SCUBE2: variants seen among roughly 807,000 people sequenced by gnomAD.
SCUBE2 encodes signal peptide, CUB and EGF-like domain-containing protein 2.
A neutral mutation model predicts 125.9 loss-of-function variants in SCUBE2; 114 were observed. The observed-to-expected ratio is 0.91, with a 90% CI of 0.78 to 1.06. The LOEUF (loss-of-function observed/expected upper bound fraction) is 1.06. SCUBE2 is among the 50% of genes least tolerant of loss of function. The pLI is 0.00. For missense variants in SCUBE2, 1,255 were observed against 1,301.8 expected (o/e 0.96, Z 0.55); for synonymous variants, 459 against 492.9 (o/e 0.93, Z 0.91).
chr11:9,047,310 G>A (rs762448788), intron 16 of SCUBE2, 46 bp downstream of exon 16: 2 of 1,600,098 alleles, frequency 1.2e-6, no homozygotes, highest in Middle Eastern at 1.7e-4. Flanking sequence ...GAGTGTTTAT[G>A]GAGCCCAAGG....
At chr11:9,064,124 C>G (rs1156389561) in intron 7 of SCUBE2, among the ~76,000 whole-genome samples, 2 of 152,006 alleles carry the variant, frequency 1.3e-5, no homozygotes, top group Non-Finnish European at 2.9e-5. Context: ...AAATCCTAGT[C>G]TTTCATAATA....
intron 2 of SCUBE2, among the ~76,000 whole-genome samples, chr11:9,083,614 G>A (rs1238312217): frequency 6.6e-6 from 1 of 151,710 alleles, no homozygotes; most frequent in Non-Finnish European, 1.5e-5. Flanking sequence ...GAGTGCAGTG[G>A]CACGATCTTG....
chr11:9,041,719 C>T (rs1237403531), intron 16 of SCUBE2, among the ~76,000 whole-genome samples: 1 of 151,544 alleles, frequency 6.6e-6, no homozygotes, highest in Non-Finnish European at 1.5e-5. Context: ...AGTATGACTA[C>T]GGCTCCTTCA....
At chr11:9,051,427 C>T (rs758499160) in intron 13 of SCUBE2, among the ~76,000 whole-genome samples, 1 of 152,138 alleles carries the variant, frequency 6.6e-6, no homozygotes, top group African/African-American at 2.4e-5. Context: ...TAAACAAGCC[C>T]GTCGTGGGAG....
chr11:9,072,154 CT>C lies in SCUBE2; in HGVS notation c.517+2326del, dbSNP rs1860849533. Among the ~76,000 whole-genome samples, 5 of 152,276 alleles carry C rather than the reference CT, an allele frequency of 3.3e-5. No homozygotes were observed. The South Asian group carries it at 8.3e-4, about 25-fold the overall frequency. On this transcript the variant is annotated intron_variant, in intron 4 of 22. Coordinates refer to ENST00000649792, the MANE Select transcript of SCUBE2 (RefSeq NM_001367977.2). ...AAATACTAGCTTCCTGTGTTACCTT[CT>C]TTTAATCACTTTGAAGGTATCCACT...
chr11:9,043,517 T>C (rs985460389), intron 16 of SCUBE2, among the ~76,000 whole-genome samples: 2 of 152,094 alleles, frequency 1.3e-5, no homozygotes, highest in Non-Finnish European at 2.9e-5. Context: ...CAAAGGTCAC[T>C]TGGAGAGCAG....
intron 18 of SCUBE2, chr11:9,030,383 G>A (rs1856200764): frequency 2.4e-6 from 1 of 414,510 alleles, no homozygotes; most frequent in African/African-American, 2.0e-5. Flanking sequence ...GTTGGGTTTA[G>A]AGTTGGGCTC....
At chr11:9,085,909 T>A (rs557520792) in intron 2 of SCUBE2, among the ~76,000 whole-genome samples, 1 of 151,750 alleles carries the variant, frequency 6.6e-6, no homozygotes, top group East Asian at 1.9e-4. Flanking sequence ...CACAGCTCAC[T>A]GCAACCTCCA....
chr11:9,020,978 A>C lies in SCUBE2; in HGVS notation c.*67T>G. The C allele has an allele frequency of 7.0e-7, 1 of 1,438,804 alleles. No individual in the cohort carries two copies. Among genetic ancestry groups the C allele is most frequent in the Non-Finnish European group, 9.4e-7 (1 of 1,063,232 alleles). 89.1% of individuals were successfully genotyped at this position (1,438,804 alleles called of 1,614,324 possible). ...AATACCCGACTGTGCTGACATGCAG[A>C]AGGAAGACAGCTCTGTCCCACCAAC... is the stretch of plus-strand genomic sequence containing the variant. On this transcript the variant is annotated 3_prime_UTR_variant, in exon 23 of 23. Transcript: ENST00000649792.
chr11:9,025,556 G>T, intron 21 of SCUBE2, 146 bp downstream of exon 21: 1 of 828,362 alleles, frequency 1.2e-6, no homozygotes, highest in Non-Finnish European at 1.9e-6. Flanking sequence ...GTTAAAATTT[G>T]GCACTTGTGA....
intron 2 of SCUBE2, among the ~76,000 whole-genome samples, chr11:9,086,973 T>C (rs1034858705): frequency 6.6e-6 from 1 of 152,144 alleles, no homozygotes; most frequent in African/African-American, 2.4e-5. Flanking sequence ...AAAGGATGTA[T>C]GCTCACTGTT....
intron 13 of SCUBE2, 142 bp from the exon 14 acceptor site, chr11:9,050,852 T>A: frequency 1.4e-6 from 1 of 693,136 alleles, no homozygotes; most frequent in Non-Finnish European, 2.6e-6. Context: ...AGGCTAAGAG[T>A]GGCTTGGATC....
chr11:9,041,209 A>G (rs1014193628), intron 16 of SCUBE2, among the ~76,000 whole-genome samples: 2 of 152,222 alleles, frequency 1.3e-5, no homozygotes, highest in African/African-American at 4.8e-5. Flanking sequence ...GTGTAAGTAT[A>G]TAGTTTATAA....
At chr11:9,083,786 C>A (rs1053750471) in intron 2 of SCUBE2, among the ~76,000 whole-genome samples, 1 of 152,050 alleles carries the variant, frequency 6.6e-6, no homozygotes, top group Non-Finnish European at 1.5e-5. Context: ...GTGACCCACC[C>A]GCCTCGGCCT....
chr11:9,038,738 A>G (rs1161892217), intron 16 of SCUBE2, among the ~76,000 whole-genome samples: 1 of 152,258 alleles, frequency 6.6e-6, no homozygotes, highest in Non-Finnish European at 1.5e-5. Context: ...GGGTAGGGCA[A>G]TAAGAGAGGA....
chr11:9,026,819 G>A (rs1855808900), intron 20 of SCUBE2: 1 of 158,988 alleles, frequency 6.3e-6, no homozygotes, highest in Non-Finnish European at 1.4e-5. Context: ...GAGAAGACAA[G>A]TGCAGAAAGA....
intron 7 of SCUBE2, among the ~76,000 whole-genome samples, chr11:9,061,238 T>C (rs1339468520): frequency 6.6e-6 from 1 of 151,954 alleles, no homozygotes; most frequent in Non-Finnish European, 1.5e-5. Flanking sequence ...TTTTCTACCA[T>C]AGCTACCTCA....
chr11:9,057,517 A>ATTTTTTT (rs1207923998), intron 9 of SCUBE2: 1 of 131,226 alleles, frequency 7.6e-6, no homozygotes, highest in Non-Finnish European at 1.6e-5. Context: ...TTTAATTCTG[A>ATTTTTTT]TTTTTTTTTT....
rs1220738058 is a variant in SCUBE2 at position 9,074,596 on chromosome 11, C to T, written c.402G>A (p.Glu134=). 1 of 1,614,104 alleles carries T rather than the reference C, an allele frequency of 6.2e-7. No homozygotes were observed. Among genetic ancestry groups the T allele is most frequent in the Non-Finnish European group, 8.5e-7 (1 of 1,180,028 alleles). The change falls in exon 4 of 23, where the codon GAG becomes GAA. Residue 134 remains glutamate (E), a synonymous_variant. Transcript: ENST00000649792. ...HNCLDVDECL[E]NNGGCQHTCV... is the part of the protein sequence containing the mutation. ...AGGTATGCTGGCAGCCGCCATTGTT[C>T]TCCAGGCACTCGTCCACATCTGGAA... is the stretch of plus-strand genomic sequence containing the variant.
Sources: allele counts gnomAD v4.1 joint callset (sites outside exome capture counted in the v4.1 genomes callset), GRCh38; gene constraint gnomAD v4.1.1; transcripts MANE v1.5; gene names NCBI Gene and HGNC (gene_info 2026-07-23, HGNC 2026-07-21).